ADHFE1: variants seen among roughly 807,000 people sequenced by gnomAD.
ADHFE1 encodes hydroxyacid-oxoacid transhydrogenase, mitochondrial.
Under a neutral mutation model 54.8 loss-of-function variants are expected in ADHFE1, and 37 were observed. That is an observed-to-expected ratio of 0.68 (90% CI 0.52 to 0.89). The LOEUF is 0.89. Ranked by LOEUF, ADHFE1 falls within the 40% of genes least tolerant of loss-of-function variation. The pLI is 0.00. For synonymous variants in ADHFE1, 203 were observed against 229.3 expected (o/e 0.89, Z 1.04); for missense variants, 601 against 591.2 (o/e 1.02, Z -0.17).
At chr8:66,459,410 T>TTATATATATATATATATA (rs757679416) in intron 12 of ADHFE1, 14 of 131,528 alleles carry the variant, frequency 1.1e-4, no homozygotes, top group Admixed American at 3.1e-4. Flanking sequence ...TTAATTTTTA[T>TTATATATATATATATATA]TATATATATA....
intron 10 of ADHFE1, among the ~76,000 whole-genome samples, chr8:66,455,656 C>A (rs535581221): frequency 1.3e-5 from 2 of 152,350 alleles, no homozygotes; most frequent in East Asian, 3.9e-4. Flanking sequence ...GTGGCTCACG[C>A]CTCTAATCCC....
At chr8:66,433,211 C>T (rs993816393) in intron 1 of ADHFE1, among the ~76,000 whole-genome samples, 1 of 152,132 alleles carries the variant, frequency 6.6e-6, no homozygotes, top group African/African-American at 2.4e-5. Flanking sequence ...CACAAGTCTG[C>T]CTGGGAAACA....
intron 9 of ADHFE1, 54 bp from the exon 10 acceptor site, chr8:66,454,005 T>C: frequency 1.2e-6 from 2 of 1,600,112 alleles, no homozygotes; most frequent in South Asian, 2.3e-5. Context: ...CTCCTTATTC[T>C]GTAGGAATTG....
chr8:66,465,082 T>C (rs1807097384), intron 13 of ADHFE1, among the ~76,000 whole-genome samples: 1 of 152,256 alleles, frequency 6.6e-6, no homozygotes, highest in South Asian at 2.1e-4. Flanking sequence ...TGTTCCATTG[T>C]ATGGATATAC....
intron 3 of ADHFE1, among the ~76,000 whole-genome samples, 198 bp downstream of exon 3, chr8:66,443,042 T>A (rs1739908222): frequency 1.3e-5 from 2 of 152,198 alleles, no homozygotes; most frequent in South Asian, 4.1e-4. Context: ...ATGGCTAATG[T>A]CTAGAGTGCT....
intron 13 of ADHFE1, among the ~76,000 whole-genome samples, chr8:66,462,279 C>T (rs1001427623): frequency 2.0e-5 from 3 of 152,066 alleles, no homozygotes; most frequent in African/African-American, 4.8e-5. Context: ...TGATTTTTTC[C>T]GGAGGGAGGG....
intron 1 of ADHFE1, among the ~76,000 whole-genome samples, chr8:66,435,750 C>T (rs1372022572): frequency 6.6e-6 from 1 of 150,846 alleles, no homozygotes; most frequent in African/African-American, 2.4e-5. Context: ...GTAGCTGGGA[C>T]TACAGTGCAC....
At chr8:66,433,297 G>A (rs1205249296) in intron 1 of ADHFE1, among the ~76,000 whole-genome samples, 1 of 152,194 alleles carries the variant, frequency 6.6e-6, no homozygotes. Context: ...CAGGCAGAGA[G>A]AAGAGCAACA....
At chr8:66,444,828 T>G in intron 5 of ADHFE1, 80 bp downstream of exon 5, 1 of 1,558,918 alleles carries the variant, frequency 6.4e-7, no homozygotes, top group South Asian at 1.2e-5. Flanking sequence ...CAACCAGGCG[T>G]GGTGGCTCAC....
chr8:66,437,767 G>A (rs771066923), intron 1 of ADHFE1, among the ~76,000 whole-genome samples: 2 of 152,132 alleles, frequency 1.3e-5, no homozygotes, highest in Non-Finnish European at 2.9e-5. Flanking sequence ...ACAGTCCACA[G>A]GCAGAAAGAA....
At chr8:66,446,835 A>G (rs1806060327) in intron 6 of ADHFE1, among the ~76,000 whole-genome samples, 3 of 152,244 alleles carry the variant, frequency 2.0e-5, no homozygotes, top group African/African-American at 7.2e-5. Context: ...ACATATTAAT[A>G]CAGACACAGA....
chr8:66,453,851 T>C, intron 9 of ADHFE1: 1 of 1,500,052 alleles, frequency 6.7e-7, no homozygotes, highest in Non-Finnish European at 9.0e-7. Flanking sequence ...GTATTTATTA[T>C]GCCTTTGCTG....
intron 7 of ADHFE1, among the ~76,000 whole-genome samples, chr8:66,447,754 G>A (rs1349011171): frequency 1.3e-5 from 2 of 152,132 alleles, no homozygotes; most frequent in African/African-American, 4.8e-5. Context: ...ATGAAACAAT[G>A]TAATAAACTT....
rs149219302 is a variant in ADHFE1, at chr8:66,453,808, C to A, written c.888-251C>A. 8 of 1,450,168 alleles carry A rather than the reference C, an allele frequency of 5.5e-6. No homozygotes were observed. In the East Asian group the frequency reaches 2.3e-4, roughly 42 times the overall value. The allele number at this position is 1,450,168 out of a possible 1,614,324, so 89.8% of individuals were successfully genotyped here. A position where few individuals can be genotyped will look rare whatever the true frequency, so the allele number is the denominator to read the frequency against. On this transcript the variant is annotated intron_variant, in intron 9 of 13. Coordinates refer to ENST00000396623, the MANE Select transcript of ADHFE1 (RefSeq NM_144650.3). The stretch of plus-strand genomic sequence containing the variant: ...CCAGGGACCAGCGCGTTGCCTCCCC[C>A]GGCGCTTTTACATCACATGAGCAGC...
chr8:66,453,319 G>A (rs1806399974), intron 9 of ADHFE1, among the ~76,000 whole-genome samples: 1 of 152,178 alleles, frequency 6.6e-6, no homozygotes, highest in South Asian at 2.1e-4. Context: ...AAATGAAAGG[G>A]GAAAAAAGGC....
At chr8:66,442,716 G>A in intron 2 of ADHFE1, 82 bp from the exon 3 acceptor site, 3 of 1,223,452 alleles carry the variant, frequency 2.5e-6, no homozygotes, top group Non-Finnish European at 3.5e-6. Flanking sequence ...AAATACTTAT[G>A]TTCACTGCTG....
At chr8:66,433,172 C>G (rs1234631552) in intron 1 of ADHFE1, among the ~76,000 whole-genome samples, 1 of 152,164 alleles carries the variant, frequency 6.6e-6, no homozygotes, top group Non-Finnish European at 1.5e-5. Context: ...TCCTGGTCAC[C>G]TGATAAATAC....
At chr8:66,444,189 A>C (rs1347728565) in intron 3 of ADHFE1, among the ~76,000 whole-genome samples, 178 bp from the exon 4 acceptor site, 1 of 152,220 alleles carries the variant, frequency 6.6e-6, no homozygotes, top group South Asian at 2.1e-4. Flanking sequence ...AGTTTGCTTA[A>C]GGAAGTGTGG....
intron 1 of ADHFE1, among the ~76,000 whole-genome samples, chr8:66,437,738 C>G (rs1312433610): frequency 6.6e-6 from 1 of 152,152 alleles, no homozygotes; most frequent in African/African-American, 2.4e-5. Context: ...GTAGATCCTG[C>G]CTGGGCATCA....
Sources: gnomAD v4.1 joint callset for allele counts (sites outside exome capture counted in the v4.1 genomes callset) on GRCh38, gnomAD v4.1.1 for gene constraint, MANE v1.5 for transcripts, NCBI Gene and HGNC (gene_info 2026-07-23, HGNC 2026-07-21) for gene names.